Variants in HMGCLL1 observed in about 807,000 individuals in gnomAD.
The protein encoded by HMGCLL1 is 3-hydroxy-3-methylglutaryl-CoA lyase like 1.
A neutral mutation model predicts 39.1 loss-of-function variants in HMGCLL1; 36 were observed. The observed-to-expected ratio is 0.92, with a 90% CI of 0.71 to 1.22. The LOEUF (loss-of-function observed/expected upper bound fraction) is 1.22, where lower values mean the gene tolerates loss of function less well. HMGCLL1 is among the 50% of genes most tolerant of loss of function. The probability of loss-of-function intolerance (pLI) is 0.00; values close to 1 mark genes in which losing one functional copy is unlikely to be tolerated. For synonymous variants in HMGCLL1, 149 were observed against 144.0 expected, an observed-to-expected ratio of 1.03 and a Z score of -0.25; for missense variants, 451 against 416.5, an observed-to-expected ratio of 1.08 and a Z score of -0.72.
the HMGCLL1 span, among the ~76,000 whole-genome samples, chr6:55,623,468 A>T: frequency 6.6e-6 from 1 of 151,730 alleles, no homozygotes; most frequent in African/African-American, 2.4e-5. Flanking sequence ...TCTTTCAAGA[A>T]ATTTTAAAAT....
intron 1 of HMGCLL1, among the ~76,000 whole-genome samples, chr6:55,551,617 A>T (rs2127464773): frequency 1.3e-5 from 2 of 152,058 alleles, no homozygotes; most frequent in Middle Eastern, 6.8e-3. Context: ...AATCTAAAGA[A>T]AGTAAAAGAT....
intron 5 of HMGCLL1, among the ~76,000 whole-genome samples, chr6:55,500,819 C>A (rs2127427604): frequency 6.6e-6 from 1 of 151,950 alleles, no homozygotes; most frequent in Non-Finnish European, 1.5e-5. Flanking sequence ...AGTTTTAATA[C>A]AAATGTAATG....
intron 5 of HMGCLL1, chr6:55,512,025 GA>G (rs1767491523): frequency 6.6e-6 from 1 of 152,070 alleles, no homozygotes; most frequent in Non-Finnish European, 1.5e-5. Context: ...AGCACGATTA[GA>G]AGTTTTCATT....
the HMGCLL1 span, among the ~76,000 whole-genome samples, chr6:55,608,749 C>A: frequency 1.3e-5 from 2 of 152,332 alleles, no homozygotes; most frequent in Non-Finnish European, 2.9e-5. Context: ...CTTAAAGTTG[C>A]ATTTAAGCAC....
chr6:55,651,367 T>G, the HMGCLL1 span, among the ~76,000 whole-genome samples: 1 of 152,088 alleles, frequency 6.6e-6, no homozygotes, highest in Non-Finnish European at 1.5e-5. Context: ...AGCCTGTGTC[T>G]AGAAATGTTA....
chr6:55,522,324 A>G (rs1190180207), intron 3 of HMGCLL1, among the ~76,000 whole-genome samples: 1 of 151,944 alleles, frequency 6.6e-6, no homozygotes, highest in Non-Finnish European at 1.5e-5. Flanking sequence ...CAAAGTATAC[A>G]ATTCTTTCAT....
intron 7 of HMGCLL1, among the ~76,000 whole-genome samples, chr6:55,450,706 G>C (rs576384287): frequency 4.6e-5 from 7 of 152,004 alleles, no homozygotes; most frequent in Non-Finnish European, 8.8e-5. Context: ...AAAAGACAGA[G>C]CTAATTAAAT....
the HMGCLL1 span, among the ~76,000 whole-genome samples, chr6:55,589,623 C>T: frequency 6.6e-6 from 1 of 152,120 alleles, no homozygotes. Context: ...TCCCTGTTTG[C>T]AGATCACATG....
At chr6:55,519,705 G>A (rs1468583441) in intron 3 of HMGCLL1, among the ~76,000 whole-genome samples, 1 of 152,034 alleles carries the variant, frequency 6.6e-6, no homozygotes, top group African/African-American at 2.4e-5. Flanking sequence ...TTAAGCCTAA[G>A]TAAACATAGT....
intron 1 of HMGCLL1, among the ~76,000 whole-genome samples, chr6:55,553,178 T>C (rs201709291): frequency 0.11 from 3,247 of 30,544 alleles, 52 homozygotes; most frequent in South Asian, 0.23. Context: ...TATATATACA[T>C]ACACACACAC....
the HMGCLL1 span, among the ~76,000 whole-genome samples, chr6:55,646,863 C>T: frequency 2.0e-5 from 3 of 151,932 alleles, no homozygotes; most frequent in Non-Finnish European, 4.4e-5. Context: ...TATTCTACAT[C>T]TATTGGATGA....
the HMGCLL1 span, among the ~76,000 whole-genome samples, chr6:55,613,487 A>G: frequency 6.6e-5 from 10 of 152,188 alleles, no homozygotes; most frequent in African/African-American, 1.9e-4. Context: ...ATAAAGATAC[A>G]TGCACACGTA....
chr6:55,574,777 T>G (rs1426941092), intron 1 of HMGCLL1, among the ~76,000 whole-genome samples: 1 of 151,998 alleles, frequency 6.6e-6, no homozygotes, highest in Non-Finnish European at 1.5e-5. Flanking sequence ...TATCATCTTA[T>G]TACATTTAAG....
At position 55,542,031 on chromosome 6, in the gene HMGCLL1, A is replaced by T. The variant is rs778122632; in HGVS notation, c.189+29T>A. The T allele has an allele frequency of 5.3e-6, 7 of 1,324,348 alleles. No homozygotes were observed. The East Asian group carries it at 1.6e-4, about 31-fold the overall frequency. The allele number at this position is 1,324,348 out of a possible 1,614,324, so 82.0% of individuals were successfully genotyped here. ...ATCTTAAATTTATTAATTTGTAGAC[A>T]GCATTTGAAGTAAATGATGTAAAAC... On this transcript the variant is annotated intron_variant, in intron 2 of 8. Transcript: ENST00000274901.
intron 2 of HMGCLL1, 79 bp downstream of exon 2, chr6:55,541,979 CAT>C (rs1475149927): frequency 1.5e-5 from 15 of 1,010,252 alleles, no homozygotes; most frequent in Non-Finnish European, 2.1e-5. Context: ...AATCAGATAA[CAT>C]ATGAAATCCA....
chr6:55,567,184 G>A (rs1026679394), intron 1 of HMGCLL1, among the ~76,000 whole-genome samples: 3 of 151,988 alleles, frequency 2.0e-5, no homozygotes, highest in African/African-American at 7.2e-5. Context: ...TACTTCAAAA[G>A]TATTGAGGTT....
At chr6:55,585,107 A>G in the HMGCLL1 span, among the ~76,000 whole-genome samples, 5 of 152,096 alleles carry the variant, frequency 3.3e-5, no homozygotes, top group African/African-American at 4.8e-5. Flanking sequence ...TCAAAGTTCC[A>G]TTAGCAATAG....
At position 55,435,597 on chromosome 6, in the gene HMGCLL1, G is replaced by T. The variant is rs1763336171; in HGVS notation, c.*65C>A. ...CATATCAGAGCAAGTTGGCATTAATGATTTTCAGATGAGTATTGTAGCTGA... is the reference window on the plus strand; with the variant it reads ...CATATCAGAGCAAGTTGGCATTAATTATTTTCAGATGAGTATTGTAGCTGA... On this transcript the variant is annotated 3_prime_UTR_variant, in exon 9 of 9. Coordinates refer to ENST00000274901, the MANE Select transcript of HMGCLL1 (RefSeq NM_001042406.2). 4 of 839,904 alleles carry T rather than the reference G, an allele frequency of 4.8e-6. No individual in the cohort carries two copies. The highest frequency in any genetic ancestry group is 2.8e-5 in the East Asian group (1 of 36,192). The allele number at this position is 839,904 out of a possible 1,614,324, so 52.0% of individuals were successfully genotyped here.
intron 1 of HMGCLL1, among the ~76,000 whole-genome samples, chr6:55,578,441 G>C (rs1318554607): frequency 6.6e-6 from 1 of 152,156 alleles, no homozygotes; most frequent in African/African-American, 2.4e-5. Context: ...TTTCTTTCAA[G>C]TTTGTTGAAG....
Sources: allele counts gnomAD v4.1 joint callset (sites outside exome capture counted in the v4.1 genomes callset), GRCh38; gene constraint gnomAD v4.1.1; transcripts MANE v1.5; gene names NCBI Gene and HGNC (gene_info 2026-07-23, HGNC 2026-07-21).